Variants in UBE2L6 observed in about 807,000 individuals in gnomAD.
UBE2L6 encodes ubiquitin conjugating enzyme E2 L6.
In UBE2L6, 11 loss-of-function variants were observed where a neutral mutation model predicts 13.6. The observed-to-expected ratio is 0.81, with a 90% confidence interval of 0.51 to 1.34. The LOEUF (loss-of-function observed/expected upper bound fraction) is 1.34, where lower values mean the gene tolerates loss of function less well. UBE2L6 is among the 40% of genes most tolerant of loss of function. UBE2L6 has a pLI of 0.00. For synonymous variants in UBE2L6, 74 were observed against 83.2 expected (o/e 0.89, Z 0.60); for missense variants, 197 against 199.5 (o/e 0.99, Z 0.07).
chr11:57,561,822 C>T (rs1004674379), intron 1 of UBE2L6, among the ~76,000 whole-genome samples: 1 of 152,116 alleles, frequency 6.6e-6, no homozygotes, highest in African/African-American at 2.4e-5. Context: ...GGAATGCTGC[C>T]CCTCTTTTAG....
At chr11:57,566,095 C>G (rs1352803644) in intron 1 of UBE2L6, among the ~76,000 whole-genome samples, 6 of 152,164 alleles carry the variant, frequency 3.9e-5, no homozygotes, top group Admixed American at 3.3e-4. Flanking sequence ...AAGAGTTTCT[C>G]TATCATCTGT....
At position 57,551,914 on chromosome 11, in the gene UBE2L6, C is replaced by T. The variant is rs3741083; in HGVS notation, c.*444G>A. On this transcript the variant is annotated 3_prime_UTR_variant, in exon 4 of 4. Transcript: ENST00000287156. ...ATTCCCATCAGTGGCTTGGCTGACT[C>T]AGTTGTAAATAGGGTACCCTCCATC... 1.3e-3 allele frequency: 206 copies of T among 157,952 alleles called. 2 individuals carry two copies. In the East Asian group the frequency reaches 0.03, roughly 23 times the overall value. The allele number at this position is 157,952 out of a possible 1,614,324, so 9.8% of individuals were successfully genotyped here. A position where few individuals can be genotyped will look rare whatever the true frequency, so the allele number is the denominator to read the frequency against.
At chr11:57,565,307 AAGTT>A (rs1447554122) in intron 1 of UBE2L6, among the ~76,000 whole-genome samples, 6 of 151,818 alleles carry the variant, frequency 4.0e-5, no homozygotes, top group Admixed American at 6.6e-5. Flanking sequence ...AAACAACAAA[AAGTT>A]AGTAAGCGGA....
upstream of UBE2L6, chr11:57,567,692 CG>C (rs1945104719): frequency 7.3e-6 from 11 of 1,510,284 alleles, no homozygotes; most frequent in Non-Finnish European, 8.9e-6. Flanking sequence ...CGCCCCGCCC[CG>C]GGGACCCCAC....
At chr11:57,555,928 T>C (rs531002595) in intron 2 of UBE2L6, among the ~76,000 whole-genome samples, 3 of 152,292 alleles carry the variant, frequency 2.0e-5, no homozygotes, top group South Asian at 2.1e-4. Context: ...ATGGTTAAGA[T>C]AGTAAATTTT....
At chr11:57,553,809 G>A (rs993125103) in intron 3 of UBE2L6, among the ~76,000 whole-genome samples, 1 of 152,186 alleles carries the variant, frequency 6.6e-6, no homozygotes, top group Non-Finnish European at 1.5e-5. Flanking sequence ...CTAGGCGACA[G>A]AGCGAGACTC....
rs117723265 is a variant in UBE2L6 at position 57,563,534 on chromosome 11, G to A, written c.28-3102C>T. Among the ~76,000 whole-genome samples the A allele has an allele frequency of 2.2e-3, 323 of 149,344 alleles. 1 individual carries two copies. Among genetic ancestry groups the A allele is most frequent in the African/African-American group, 6.1e-3 (246 of 40,548 alleles). ...AAAAATGCAATTAACATACTGAAACGCATCAGTCTTTTAACAGCAGAATTG... is the reference window on the plus strand; with the variant it reads ...AAAAATGCAATTAACATACTGAAACACATCAGTCTTTTAACAGCAGAATTG... On this transcript the variant is annotated intron_variant, in intron 1 of 3. Coordinates refer to ENST00000287156, the MANE Select transcript of UBE2L6 (RefSeq NM_004223.5).
intron 3 of UBE2L6, among the ~76,000 whole-genome samples, chr11:57,554,146 G>C (rs2135273108): frequency 6.6e-6 from 1 of 152,272 alleles, no homozygotes; most frequent in South Asian, 2.1e-4. Flanking sequence ...AAAGTCCACA[G>C]AGGGAACAGC....
At chr11:57,556,947 G>A (rs947303306) in intron 2 of UBE2L6, among the ~76,000 whole-genome samples, 1 of 152,050 alleles carries the variant, frequency 6.6e-6, no homozygotes. Flanking sequence ...GTAGCTGGGC[G>A]TGGTAGCATG....
rs190460830 is a variant in UBE2L6, at chr11:57,555,416, G to C, written c.124-793C>G. Among the ~76,000 whole-genome samples, 52 of 152,326 alleles carry C rather than the reference G, an allele frequency of 3.4e-4. 1 individual carries two copies. Among genetic ancestry groups the C allele is most frequent in the Admixed American group, 3.2e-3 (49 of 15,292 alleles). ...CAGATTTGCAAGATACCACTTATGT[G>C]CAGTACCCAGAATAGTCAAATTCAT... On this transcript the variant is annotated intron_variant, in intron 2 of 3. Transcript: ENST00000287156.
Position 57,560,387 on chromosome 11 carries a change from G to C in UBE2L6, c.73C>G (p.Leu25Val). ...QKKPPPYLRN[L>V]SSDDANVLVW... ...AGGACATTGGCATCATCGCTGGACA[G>C]GTTCCGCAGGTATGGGGGAGGCTTC... The change falls in exon 2 of 4, where the codon CTG becomes GTG. Residue 25 changes from leucine to valine, a missense_variant. By Grantham distance (32) the Leu-to-Val change is conservative (BLOSUM62 1). Transcript: ENST00000287156. The C allele has an allele frequency of 6.2e-7, 1 of 1,613,916 alleles. No individual in the cohort carries two copies. Among genetic ancestry groups the C allele is most frequent in the Non-Finnish European group, 8.5e-7 (1 of 1,179,922 alleles).
intron 2 of UBE2L6, 46 bp from the exon 3 acceptor site, chr11:57,554,669 C>T (rs1035008771): frequency 1.4e-5 from 23 of 1,609,076 alleles, no homozygotes; most frequent in Non-Finnish European, 1.8e-5. Context: ...GTTTTCCTCC[C>T]TTCCTGCCCC....
At chr11:57,553,741 G>A (rs1193484537) in intron 3 of UBE2L6, among the ~76,000 whole-genome samples, 6 of 152,010 alleles carry the variant, frequency 3.9e-5, no homozygotes, top group Admixed American at 2.0e-4. Context: ...CCGGAGAATC[G>A]CTTGAACCTG....
intron 3 of UBE2L6, among the ~76,000 whole-genome samples, chr11:57,552,923 A>G (rs555751168): frequency 4.6e-4 from 70 of 152,294 alleles, no homozygotes; most frequent in Middle Eastern, 3.4e-3. Context: ...TCTTTCACAG[A>G]TGCCTTTGGG....
At chr11:57,563,040 T>C (rs1945059041) in intron 1 of UBE2L6, among the ~76,000 whole-genome samples, 1 of 152,156 alleles carries the variant, frequency 6.6e-6, no homozygotes, top group Admixed American at 6.5e-5. Context: ...CAGAGATATG[T>C]GACCTTTCAG....
chr11:57,559,519 G>A (rs575555529), intron 2 of UBE2L6, among the ~76,000 whole-genome samples: 2 of 152,106 alleles, frequency 1.3e-5, no homozygotes, highest in Non-Finnish European at 1.5e-5. Context: ...GCTGAGGCAG[G>A]AGAATCGCTT....
chr11:57,557,673 C>T (rs1945008436), intron 2 of UBE2L6, among the ~76,000 whole-genome samples: 1 of 152,186 alleles, frequency 6.6e-6, no homozygotes, highest in South Asian at 2.1e-4. Flanking sequence ...GGATTATAGA[C>T]GTGAGCCACC....
intron 2 of UBE2L6, among the ~76,000 whole-genome samples, chr11:57,558,002 T>C (rs1036562299): frequency 6.6e-6 from 1 of 152,236 alleles, no homozygotes; most frequent in Non-Finnish European, 1.5e-5. Flanking sequence ...GAGGATTCCA[T>C]GCTGTATCTT....
At chr11:57,552,823 C>T (rs1410568089) in intron 3 of UBE2L6, among the ~76,000 whole-genome samples, 1 of 152,210 alleles carries the variant, frequency 6.6e-6, no homozygotes, top group Admixed American at 6.5e-5. Flanking sequence ...TGTTTTCCTC[C>T]ATTATATTGG....
Sources: gnomAD v4.1 joint callset for allele counts (sites outside exome capture counted in the v4.1 genomes callset) on GRCh38, gnomAD v4.1.1 for gene constraint, MANE v1.5 for transcripts, NCBI Gene and HGNC (gene_info 2026-07-23, HGNC 2026-07-21) for gene names.